PDZRN4: variants seen among roughly 807,000 people sequenced by gnomAD.
PDZRN4 encodes the protein PDZ domain containing ring finger 4.
In PDZRN4, 70 loss-of-function variants were observed where a neutral mutation model predicts 99.0. That is an observed-to-expected ratio of 0.71 (90% CI 0.58 to 0.86). The LOEUF is 0.86. PDZRN4 is among the 40% of genes least tolerant of loss of function. The pLI is 0.00. For missense variants in PDZRN4, 1,474 were observed against 1,331.2 expected (o/e 1.11, Z -1.67); for synonymous variants, 551 against 501.6 (o/e 1.10, Z -1.32).
In PDZRN4 at chr12:41,220,846, CAAT is replaced by C. The variant is rs151324761; in HGVS notation, c.843+26661_843+26663del. Among the ~76,000 whole-genome samples the C allele has an allele frequency of 5.5e-4, 83 of 152,268 alleles. 1 individual carries two copies. In the East Asian group the frequency reaches 0.015, roughly 27 times the overall value. On this transcript the variant is annotated intron_variant, in intron 3 of 9. Transcript: ENST00000402685. ...ATCTGAGTACTTGTGGTTAGCACAA[CAAT>C]AAGCTGGAAGCAAAATGAAATACTA...
chr12:41,285,245 A>C (rs147557750), intron 3 of PDZRN4, among the ~76,000 whole-genome samples: 1 of 152,316 alleles, frequency 6.6e-6, no homozygotes, highest in African/African-American at 2.4e-5. Context: ...TGGCTAACAA[A>C]CATATGAAAA....
At chr12:41,529,613 A>G (rs1237437853) in intron 5 of PDZRN4, among the ~76,000 whole-genome samples, 1 of 152,224 alleles carries the variant, frequency 6.6e-6, no homozygotes, top group South Asian at 2.1e-4. Context: ...TCTATTATTC[A>G]TTATAAGTCA....
intron 1 of PDZRN4, 120 bp from the exon 2 acceptor site, chr12:41,191,338 A>T (rs1177648449): frequency 1.6e-6 from 1 of 619,542 alleles, no homozygotes; most frequent in Non-Finnish European, 2.8e-6. Context: ...ACCATCCTTA[A>T]TTTTAAAGTT....
intron 5 of PDZRN4, among the ~76,000 whole-genome samples, chr12:41,511,559 G>A (rs750677478): frequency 6.6e-6 from 1 of 152,082 alleles, no homozygotes; most frequent in East Asian, 1.9e-4. Flanking sequence ...ATTCAAATAA[G>A]GAAGGAGTTG....
At chr12:41,459,487 G>A (rs773647126) in intron 3 of PDZRN4, among the ~76,000 whole-genome samples, 1 of 152,266 alleles carries the variant, frequency 6.6e-6, no homozygotes, top group African/African-American at 2.4e-5. Flanking sequence ...AATCTGGGCC[G>A]TATTTAAGCC....
At chr12:41,417,360 CATT>C (rs1952453774) in intron 3 of PDZRN4, among the ~76,000 whole-genome samples, 1 of 152,182 alleles carries the variant, frequency 6.6e-6, no homozygotes, top group Non-Finnish European at 1.5e-5. Context: ...AACTGAATAG[CATT>C]ACCTAATTTC....
chr12:41,297,748 TGCCCTAA>T (rs909410935), intron 3 of PDZRN4, among the ~76,000 whole-genome samples: 34 of 152,314 alleles, frequency 2.2e-4, no homozygotes, highest in African/African-American at 8.2e-4. Flanking sequence ...CTATAACTTG[TGCCCTAA>T]GCCCTTGTCC....
Position 41,236,952 on chromosome 12 carries a change from T to C in PDZRN4, c.843+42764T>C, listed in dbSNP as rs1951071920. Reference sequence around the variant, plus strand: ...GGCTCCAGAGAAGATAGAAAATGTCTTTTTCATAATATTATACTCTAAAAA... The same window carrying C: ...GGCTCCAGAGAAGATAGAAAATGTCCTTTTCATAATATTATACTCTAAAAA... On this transcript the variant is annotated intron_variant, in intron 3 of 9. Transcript: ENST00000402685. Among the ~76,000 whole-genome samples the C allele has an allele frequency of 2.0e-5, 3 of 152,122 alleles. 1 individual carries two copies. The highest frequency in any genetic ancestry group is 4.1e-4 in the South Asian group (2 of 4,830).
intron 3 of PDZRN4, among the ~76,000 whole-genome samples, chr12:41,473,032 C>G (rs1038143118): frequency 6.6e-6 from 1 of 151,800 alleles, no homozygotes; most frequent in Non-Finnish European, 1.5e-5. Context: ...TATTTCAGAA[C>G]AGAAAAGACA....
intron 3 of PDZRN4, among the ~76,000 whole-genome samples, chr12:41,324,505 T>C (rs948063934): frequency 4.6e-5 from 7 of 152,090 alleles, no homozygotes; most frequent in Non-Finnish European, 7.4e-5. Flanking sequence ...ATATTTTCTC[T>C]TGTGTCTTTG....
chr12:41,348,710 T>C (rs1236433607), intron 3 of PDZRN4, among the ~76,000 whole-genome samples: 1 of 152,080 alleles, frequency 6.6e-6, no homozygotes, highest in Non-Finnish European at 1.5e-5. Context: ...ACTTGTATGA[T>C]TGAGTTGCAA....
intron 2 of PDZRN4, among the ~76,000 whole-genome samples, chr12:41,192,446 T>A (rs1274797780): frequency 1.3e-5 from 2 of 152,234 alleles, no homozygotes; most frequent in African/African-American, 4.8e-5. Flanking sequence ...AACTTGGTTC[T>A]CTTTGCTACT....
intron 3 of PDZRN4, among the ~76,000 whole-genome samples, chr12:41,356,662 G>GT (rs1286580333): frequency 2.0e-5 from 3 of 151,922 alleles, no homozygotes; most frequent in Non-Finnish European, 4.4e-5. Flanking sequence ...TTATACCAGT[G>GT]TGCACACTTT....
intron 3 of PDZRN4, among the ~76,000 whole-genome samples, chr12:41,479,335 A>G (rs1937637889): frequency 1.3e-5 from 2 of 152,150 alleles, no homozygotes; most frequent in South Asian, 4.1e-4. Flanking sequence ...TAGATCAGTG[A>G]ATATAGTTAT....
chr12:41,307,163 C>A (rs937376445), intron 3 of PDZRN4, among the ~76,000 whole-genome samples: 1 of 152,208 alleles, frequency 6.6e-6, no homozygotes, highest in African/African-American at 2.4e-5. Flanking sequence ...GTACCAATTC[C>A]TATCTTATTC....
intron 3 of PDZRN4, among the ~76,000 whole-genome samples, chr12:41,465,006 G>A: frequency 6.6e-6 from 1 of 151,912 alleles, no homozygotes. Flanking sequence ...TGCATTTTTA[G>A]TAGAGATGGG....
chr12:41,571,376 T>TCTCTCTCTCTCTCACA (rs1303597271), intron 9 of PDZRN4, among the ~76,000 whole-genome samples: 2 of 65,514 alleles, frequency 3.1e-5, no homozygotes, highest in Non-Finnish European at 6.7e-5. Flanking sequence ...TCTCTCTCTC[T>TCTCTCTCTCTCTCACA]CACACACACA....
chr12:41,399,068 T>A (rs1379539514), intron 3 of PDZRN4, among the ~76,000 whole-genome samples: 1 of 152,092 alleles, frequency 6.6e-6, no homozygotes, highest in Non-Finnish European at 1.5e-5. Context: ...GGATCTTAGC[T>A]AAAAAACAGA....
chr12:41,289,588 T>G (rs1247300755), intron 3 of PDZRN4, among the ~76,000 whole-genome samples: 2 of 152,202 alleles, frequency 1.3e-5, no homozygotes, highest in Non-Finnish European at 2.9e-5. Context: ...AGAGGGCCTT[T>G]TGGACCACAT....
Sources: allele counts gnomAD v4.1 joint callset (sites outside exome capture counted in the v4.1 genomes callset), GRCh38; gene constraint gnomAD v4.1.1; transcripts MANE v1.5; gene names NCBI Gene and HGNC (gene_info 2026-07-23, HGNC 2026-07-21).